The following SRD5A1 variants were observed in gnomAD, a reference collection of about 807,000 sequenced individuals.
SRD5A1 encodes the protein steroid 5 alpha-reductase 1.
A neutral mutation model predicts 28.2 loss-of-function variants in SRD5A1; 22 were observed. That is an observed-to-expected ratio of 0.78 (90% confidence interval 0.56 to 1.12). The LOEUF (loss-of-function observed/expected upper bound fraction) is 1.12, where lower values mean the gene tolerates loss of function less well. Ranked by LOEUF, SRD5A1 falls within the 50% of genes most tolerant of loss-of-function variation. The pLI is 0.00. For synonymous variants in SRD5A1, 151 were observed against 135.0 expected (o/e 1.12, Z -0.82); for missense variants, 300 against 346.7 (o/e 0.87, Z 1.07).
chr5:6,661,928 A>C (rs993012318), intron 3 of SRD5A1, among the ~76,000 whole-genome samples: 1 of 152,134 alleles, frequency 6.6e-6, no homozygotes, highest in African/African-American at 2.4e-5. Flanking sequence ...GGCAGATCAC[A>C]CCAGGCCTCT....
intron 2 of SRD5A1, among the ~76,000 whole-genome samples, chr5:6,652,750 T>C (rs1237658452): frequency 6.6e-6 from 1 of 151,738 alleles, no homozygotes; most frequent in Admixed American, 6.6e-5. Context: ...ACACGCACCA[T>C]GGTCCCAGCT....
Position 6,672,553 on chromosome 5 carries a change from G to C in SRD5A1, c.*4285G>C, listed in dbSNP as rs1739392150. The C allele has an allele frequency of 6.6e-6, 1 of 152,170 alleles. No homozygotes were observed. Among genetic ancestry groups the C allele is most frequent in the African/African-American group, 2.4e-5 (1 of 41,438 alleles). 9.4% of individuals were successfully genotyped at this position (152,170 alleles called of 1,614,324 possible). A position where few individuals can be genotyped will look rare whatever the true frequency, so the allele number is the denominator to read the frequency against. ...GCCTCCCAAGGTGCTGGGATTACAG[G>C]CACAAGCCACAGCTCCCGGCCCAAC... On this transcript the variant is annotated 3_prime_UTR_variant, in exon 5 of 5. Coordinates refer to ENST00000274192, the MANE Select transcript of SRD5A1 (RefSeq NM_001047.4).
At position 6,659,647 on chromosome 5, in the gene SRD5A1, G is replaced by A. The variant is rs557183964; in HGVS notation, c.563-3169G>A. On this transcript the variant is annotated intron_variant, in intron 3 of 4. Transcript: ENST00000274192. ...GAGGAAGTGGACAGGAAACAGTGAC[G>A]ATCATCTGCACGTGCCATGAGTGGC... Among the ~76,000 whole-genome samples the A allele has an allele frequency of 8.5e-5, 13 of 152,302 alleles. No individual in the cohort carries two copies. The South Asian group carries it at 2.7e-3, about 32-fold the overall frequency.
chr5:6,635,257 A>G (rs576325714), intron 1 of SRD5A1, among the ~76,000 whole-genome samples: 1 of 152,302 alleles, frequency 6.6e-6, no homozygotes, highest in African/African-American at 2.4e-5. Flanking sequence ...GGGCAAGTCA[A>G]CATTCATCAG....
intron 1 of SRD5A1, among the ~76,000 whole-genome samples, chr5:6,642,118 G>A (rs1738379374): frequency 6.6e-6 from 1 of 152,144 alleles, no homozygotes; most frequent in Non-Finnish European, 1.5e-5. Flanking sequence ...TGTCTAATGA[G>A]AAGAATAGAA....
intron 4 of SRD5A1, among the ~76,000 whole-genome samples, chr5:6,664,479 A>T (rs567321717): frequency 6.6e-6 from 1 of 152,198 alleles, no homozygotes; most frequent in East Asian, 1.9e-4. Flanking sequence ...ATCTCAGCTC[A>T]CTGCCACCTC....
In SRD5A1 at chr5:6,662,889, C is replaced by A; in HGVS notation, c.636C>A (p.Ala212=). ...TGGAGTGGTGTGGCTATGCCCTGGC[C>A]AGCTGGTCTGTCCAAGGCGCGGCTT... ...EIMEWCGYAL[A]SWSVQGAAFA... Residue 212 remains alanine, a synonymous_variant, in exon 4 of 5, where the codon GCC becomes GCA. Transcript: ENST00000274192. 1.2e-6 allele frequency: 2 copies of A among 1,613,628 alleles called. No individual in the cohort carries two copies. The highest frequency in any genetic ancestry group is 1.7e-6 in the Non-Finnish European group (2 of 1,180,030).
At chr5:6,643,853 A>C (rs1193766092) in intron 1 of SRD5A1, among the ~76,000 whole-genome samples, 1 of 152,198 alleles carries the variant, frequency 6.6e-6, no homozygotes, top group East Asian at 1.9e-4. Context: ...TCTGTGCCTT[A>C]AATGTTCTAG....
chr5:6,667,654 G>A (rs1171320059), intron 4 of SRD5A1, among the ~76,000 whole-genome samples: 2 of 152,224 alleles, frequency 1.3e-5, no homozygotes, highest in Non-Finnish European at 2.9e-5. Context: ...GGAAAATAAT[G>A]TTTGTTTCGA....
chr5:6,646,768 GTC>G (rs1409487466), intron 1 of SRD5A1, among the ~76,000 whole-genome samples: 2 of 151,902 alleles, frequency 1.3e-5, no homozygotes, highest in African/African-American at 4.8e-5. Flanking sequence ...TTTCATGTCT[GTC>G]TCTCCTTCAG....
At position 6,635,508 on chromosome 5, in the gene SRD5A1, C is replaced by T. The variant is rs1366295258; in HGVS notation, c.293+1639C>T. The stretch of plus-strand genomic sequence containing the variant: ...GACCCTGGATGAGTTACTAAGCTGC[C>T]CCGCAGCAAGGTTTCCCCACCTGTA... On this transcript the variant is annotated intron_variant, in intron 1 of 4. Transcript: ENST00000274192. Among the ~76,000 whole-genome samples the T allele has an allele frequency of 2.0e-5, 3 of 152,146 alleles. No homozygotes were observed. In the South Asian group the frequency reaches 6.2e-4, roughly 31 times the overall value.
chr5:6,649,605 T>G (rs562661830), intron 1 of SRD5A1, among the ~76,000 whole-genome samples: 1 of 152,216 alleles, frequency 6.6e-6, no homozygotes, highest in Non-Finnish European at 1.5e-5. Flanking sequence ...TTGCGAAGAC[T>G]ATGAGAAAAG....
intron 2 of SRD5A1, among the ~76,000 whole-genome samples, chr5:6,652,440 C>T (rs1289857201): frequency 6.6e-6 from 1 of 152,084 alleles, no homozygotes; most frequent in Non-Finnish European, 1.5e-5. Context: ...ACTTTTAGGT[C>T]TATGAAGTTG....
intron 2 of SRD5A1, among the ~76,000 whole-genome samples, chr5:6,652,510 A>G (rs1198426549): frequency 6.6e-6 from 1 of 152,192 alleles, no homozygotes; most frequent in Non-Finnish European, 1.5e-5. Flanking sequence ...ACCTCTAATT[A>G]TAACTTTTTA....
intron 1 of SRD5A1, among the ~76,000 whole-genome samples, chr5:6,645,560 A>C (rs1738484780): frequency 6.6e-6 from 1 of 151,300 alleles, no homozygotes; most frequent in African/African-American, 2.4e-5. Flanking sequence ...AATCGCTTCA[A>C]CCCGGGAGGC....
chr5:6,665,992 T>C (rs1273287248), intron 4 of SRD5A1, among the ~76,000 whole-genome samples: 1 of 152,188 alleles, frequency 6.6e-6, no homozygotes, highest in African/African-American at 2.4e-5. Flanking sequence ...CAATTCAGTT[T>C]TGCAGAAGTA....
chr5:6,665,918 G>A (rs1350512785), intron 4 of SRD5A1, among the ~76,000 whole-genome samples: 1 of 152,220 alleles, frequency 6.6e-6, no homozygotes, highest in East Asian at 1.9e-4. Flanking sequence ...AGAGCTCTTT[G>A]TCATTCATTT....
chr5:6,650,602 G>A (rs1738640320), intron 1 of SRD5A1, among the ~76,000 whole-genome samples: 1 of 150,002 alleles, frequency 6.7e-6, no homozygotes, highest in African/African-American at 2.4e-5. Flanking sequence ...TTAGTAAAAT[G>A]CACCTAAGCC....
chr5:6,657,654 C>G (rs1223859141), intron 3 of SRD5A1, among the ~76,000 whole-genome samples: 1 of 152,248 alleles, frequency 6.6e-6, no homozygotes, highest in South Asian at 2.1e-4. Context: ...AAGCCACAGA[C>G]TGGCAGATTT....
Sources: allele counts gnomAD v4.1 joint callset (sites outside exome capture counted in the v4.1 genomes callset), GRCh38; gene constraint gnomAD v4.1.1; transcripts MANE v1.5; gene names NCBI Gene and HGNC (gene_info 2026-07-23, HGNC 2026-07-21).